SLC6A2: variants seen among roughly 807,000 people sequenced by gnomAD.
SLC6A2 encodes the protein solute carrier family 6 member 2, also known as sodium-dependent noradrenaline transporter.
Under a neutral mutation model 71.7 loss-of-function variants are expected in SLC6A2, and 26 were observed. The ratio of observed to expected loss-of-function variants is 0.36; its 90% CI spans 0.27 to 0.50. The LOEUF (loss-of-function observed/expected upper bound fraction) is 0.50. SLC6A2 is among the 20% of genes least tolerant of loss of function. The pLI, the probability that SLC6A2 is intolerant of heterozygous loss-of-function variation, is 0.96. For synonymous variants in SLC6A2, 363 were observed against 337.9 expected (o/e 1.07, Z -0.82); for missense variants, 581 against 803.9 (o/e 0.72, Z 3.35).
At chr16:55,666,043 A>G (rs1964741217) in intron 2 of SLC6A2, among the ~76,000 whole-genome samples, 2 of 152,344 alleles carry the variant, frequency 1.3e-5, no homozygotes, top group South Asian at 4.1e-4. Context: ...GTGTGCATGC[A>G]TATGGTTTTT....
At chr16:55,657,075 G>A (rs1964475024) in intron 2 of SLC6A2, 107 bp downstream of exon 2, 1 of 1,253,172 alleles carries the variant, frequency 8.0e-7, no homozygotes, top group Non-Finnish European at 1.1e-6. Flanking sequence ...AGGAGACAGG[G>A]GCAAATCTGG....
chr16:55,662,353 CA>C (rs531732467), intron 2 of SLC6A2, among the ~76,000 whole-genome samples: 12 of 151,916 alleles, frequency 7.9e-5, no homozygotes, highest in African/African-American at 2.9e-4. Context: ...ATTATTTAGC[CA>C]AAAAAAATTT....
chr16:55,661,799 G>A (rs1964617526), intron 2 of SLC6A2, among the ~76,000 whole-genome samples: 1 of 152,174 alleles, frequency 6.6e-6, no homozygotes, highest in African/African-American at 2.4e-5. Flanking sequence ...CTGTGATTCT[G>A]CGTCCCCAGT....
intron 5 of SLC6A2, among the ~76,000 whole-genome samples, chr16:55,688,535 G>A (rs1311106043): frequency 9.9e-5 from 15 of 152,196 alleles, no homozygotes; most frequent in African/African-American, 3.6e-4. Flanking sequence ...TATCATCTCT[G>A]TTTTCAAGTC....
chr16:55,657,964 G>A (rs1596938581), intron 2 of SLC6A2, among the ~76,000 whole-genome samples: 4 of 152,028 alleles, frequency 2.6e-5, no homozygotes. Context: ...AAGAGTGTGG[G>A]AAAATAGACC....
chr16:55,698,043 T>C lies in SLC6A2; in HGVS notation c.1389+18T>C. The stretch of plus-strand genomic sequence containing the variant: ...TAACCAAGGTGAGTAGGGGCTGGGC[T>C]CTGGGTCACCTGGGGGCCTCTGAGG... On this transcript the variant is annotated intron_variant, in intron 10 of 14. Transcript: ENST00000568943. 1 of 1,613,918 alleles carries C rather than the reference T, an allele frequency of 6.2e-7. No individual in the cohort carries two copies. Among genetic ancestry groups the C allele is most frequent in the Non-Finnish European group, 8.5e-7 (1 of 1,179,794 alleles).
chr16:55,672,273 C>A, intron 4 of SLC6A2, 98 bp downstream of exon 4: 1 of 1,601,378 alleles, frequency 6.2e-7, no homozygotes. Flanking sequence ...GAGACGCATG[C>A]CGTCAGGATA....
At chr16:55,676,461 C>T (rs1441335179) in intron 4 of SLC6A2, among the ~76,000 whole-genome samples, 1 of 152,198 alleles carries the variant, frequency 6.6e-6, no homozygotes, top group Non-Finnish European at 1.5e-5. Flanking sequence ...TATTACTGCA[C>T]AGAGCCAAGA....
At chr16:55,692,215 C>T (rs371002154) in intron 6 of SLC6A2, among the ~76,000 whole-genome samples, 163 bp downstream of exon 6, 1 of 152,178 alleles carries the variant, frequency 6.6e-6, no homozygotes, top group African/African-American at 2.4e-5. Flanking sequence ...CTGACCAATG[C>T]GGATTTGCAC....
At chr16:55,685,339 T>C in intron 5 of SLC6A2, 58 bp downstream of exon 5, 1 of 1,557,802 alleles carries the variant, frequency 6.4e-7, no homozygotes, top group Non-Finnish European at 8.9e-7. Context: ...GGGGGTGTGA[T>C]TATTTCTAGC....
rs1297032057 is a variant in SLC6A2 at position 55,691,914 on chromosome 16, C to T, written c.784-4C>T. On this transcript the variant is annotated splice_polypyrimidine_tract_variant and splice_region_variant and intron_variant, in intron 5 of 14. Transcript: ENST00000568943. The stretch of plus-strand genomic sequence containing the variant: ...GCTCTCACCTGAACTTATCCATTGC[C>T]CAGGTGGTGTGGATCACAGCCACGC... The T allele has an allele frequency of 1.9e-6, 3 of 1,614,026 alleles. No individual in the cohort carries two copies. The highest frequency in any genetic ancestry group is 2.5e-6 in the Non-Finnish European group (3 of 1,180,034).
intron 4 of SLC6A2, among the ~76,000 whole-genome samples, chr16:55,672,774 C>A (rs1417844340): frequency 6.6e-6 from 1 of 152,208 alleles, no homozygotes; most frequent in Non-Finnish European, 1.5e-5. Context: ...GGGAAGCAGG[C>A]CAGCTGTATG....
chr16:55,690,924 TG>T (rs1457612448), intron 5 of SLC6A2, among the ~76,000 whole-genome samples: 2 of 151,926 alleles, frequency 1.3e-5, no homozygotes, highest in Middle Eastern at 3.2e-3. Context: ...GACAAGGGGA[TG>T]GGGTGTTTCT....
chr16:55,697,834 G>C, intron 9 of SLC6A2, 63 bp from the exon 10 acceptor site: 3 of 1,596,480 alleles, frequency 1.9e-6, no homozygotes, highest in Non-Finnish European at 2.6e-6. Context: ...GAACCCTGGG[G>C]CCTGAGACTG....
intron 2 of SLC6A2, among the ~76,000 whole-genome samples, chr16:55,665,398 T>C (rs1410299133): frequency 6.6e-6 from 1 of 152,144 alleles, no homozygotes; most frequent in Non-Finnish European, 1.5e-5. Flanking sequence ...CTAGCTTCCC[T>C]AAGTGTGGAC....
At position 55,685,057 on chromosome 16, in the gene SLC6A2, A is replaced by C. The variant is rs544025930; in HGVS notation, c.645-86A>C. ...CCAGGTCCTGTCTCCATCAGCATGCATTTGCAGGGACTGGTCTGTGGTCAC... is the reference window on the plus strand; with the variant it reads ...CCAGGTCCTGTCTCCATCAGCATGCCTTTGCAGGGACTGGTCTGTGGTCAC... On this transcript the variant is annotated intron_variant, in intron 4 of 14. Transcript: ENST00000568943. 4 of 1,353,584 alleles carry C rather than the reference A, an allele frequency of 3.0e-6. No homozygotes were observed. The South Asian group carries it at 4.7e-5, about 16-fold the overall frequency. 83.8% of individuals were successfully genotyped at this position (1,353,584 alleles called of 1,614,324 possible). A position where few individuals can be genotyped will look rare whatever the true frequency, so the allele number is the denominator to read the frequency against.
Position 55,702,506 on chromosome 16 carries a change from T to C in SLC6A2, c.*160T>C, listed in dbSNP as rs1966003869. The C allele has an allele frequency of 6.5e-7, 1 of 1,531,670 alleles. No homozygotes were observed. Among genetic ancestry groups the C allele is most frequent in the Non-Finnish European group, 8.8e-7 (1 of 1,136,416 alleles). The allele number at this position is 1,531,670 out of a possible 1,614,324, so 94.9% of individuals were successfully genotyped here. ...TTTACAAATGATTTCGTGACTGTAG[T>C]TTTTGTTCACCTTCTGTGCATCTGG... On this transcript the variant is annotated 3_prime_UTR_variant, in exon 15 of 15. Coordinates refer to ENST00000568943, the MANE Select transcript of SLC6A2 (RefSeq NM_001172501.3).
rs1965998764 is a variant in SLC6A2, at chr16:55,702,358, G to A, written c.*12G>A. Reference sequence around the variant, plus strand: ...GGCTGGCCATCTGAGCCTGCCTGGAGGAGAAGGAGGAACCCCCATGCCAAT... The same window carrying A: ...GGCTGGCCATCTGAGCCTGCCTGGAAGAGAAGGAGGAACCCCCATGCCAAT... On this transcript the variant is annotated 3_prime_UTR_variant, in exon 15 of 15. Transcript: ENST00000568943. 6.2e-7 allele frequency: 1 copy of A among 1,614,076 alleles called. No individual in the cohort carries two copies. Among genetic ancestry groups the A allele is most frequent in the Admixed American group, 1.7e-5 (1 of 60,008 alleles).
At chr16:55,693,695 C>T (rs1005386007) in intron 6 of SLC6A2, among the ~76,000 whole-genome samples, 2 of 152,258 alleles carry the variant, frequency 1.3e-5, no homozygotes, top group African/African-American at 4.8e-5. Flanking sequence ...GCCCCATTCA[C>T]ACTCTAGCCT....
Sources: gnomAD v4.1 joint callset for allele counts (sites outside exome capture counted in the v4.1 genomes callset) on GRCh38, gnomAD v4.1.1 for gene constraint, MANE v1.5 for transcripts, NCBI Gene and HGNC (gene_info 2026-07-23, HGNC 2026-07-21) for gene names.